Variants in HSPBP1 observed in about 807,000 individuals in gnomAD.
HSPBP1 encodes hsp70-binding protein 1.
A neutral mutation model predicts 41.7 loss-of-function variants in HSPBP1; 31 were observed. The ratio of observed to expected loss-of-function variants is 0.74; its 90% CI spans 0.56 to 1.00. HSPBP1 has a LOEUF of 1.00. Ranked by LOEUF, HSPBP1 falls within the 50% of genes least tolerant of loss-of-function variation. The pLI is 0.00. For synonymous variants in HSPBP1, 199 were observed against 214.4 expected, an observed-to-expected ratio of 0.93 and a Z score of 0.63; for missense variants, 439 against 487.9, an observed-to-expected ratio of 0.90 and a Z score of 0.94.
At position 55,271,987 on chromosome 19, in the gene HSPBP1, G is replaced by C. The variant is rs186642004; in HGVS notation, c.640+2411C>G. Among the ~76,000 whole-genome samples the C allele has an allele frequency of 1.6e-3, 240 of 152,194 alleles. 1 individual carries two copies. Among genetic ancestry groups the C allele is most frequent in the African/African-American group, 5.6e-3 (232 of 41,530 alleles). ...TGAGGCAGGGGAATCCCTTGAACCT[G>C]GGAGGTGGAGGTTGCAGTGAGCCGA... On this transcript the variant is annotated intron_variant, in intron 4 of 7. Transcript: ENST00000433386.
In HSPBP1 at chr19:55,263,874, AC is replaced by A. The variant is rs376252486; in HGVS notation, c.1006-1193del. ...GTATTTTCAACCATGTGACTACGGA[AC>A]CTATTCACAAAGCATTAGTAAAATC... On this transcript the variant is annotated intron_variant, in intron 7 of 7. Coordinates refer to ENST00000433386, the MANE Select transcript of HSPBP1 (RefSeq NM_012267.5). Among the ~76,000 whole-genome samples, 286 of 152,172 alleles carry A rather than the reference AC, an allele frequency of 1.9e-3. 1 individual carries two copies. Among genetic ancestry groups the A allele is most frequent in the African/African-American group, 5.6e-3 (234 of 41,504 alleles).
At chr19:55,264,758 C>G (rs2087727972) in intron 7 of HSPBP1, among the ~76,000 whole-genome samples, 1 of 152,174 alleles carries the variant, frequency 6.6e-6, no homozygotes, top group Non-Finnish European at 1.5e-5. Context: ...TCCTTGCTGT[C>G]TCTCCTACTC....
rs754669876 is a variant in HSPBP1, at chr19:55,265,227, C to T, written c.1005+51G>A. The T allele has an allele frequency of 7.5e-6, 8 of 1,066,540 alleles. No homozygotes were observed. The African/African-American group carries it at 9.9e-5, about 13-fold the overall frequency. The allele number at this position is 1,066,540 out of a possible 1,614,324, so 66.1% of individuals were successfully genotyped here. ...ACCTAGTCCTCCTGGAGCCCTTGTC[C>T]CCTCCCCCTTGCACCTGGTCCTCCT... On this transcript the variant is annotated intron_variant, in intron 7 of 7. Coordinates refer to ENST00000433386, the MANE Select transcript of HSPBP1 (RefSeq NM_012267.5).
Position 55,274,513 on chromosome 19 carries a change from G to A in HSPBP1, c.525C>T (p.Asn175=), listed in dbSNP as rs146963187. The A allele has an allele frequency of 0.04, 64,338 of 1,603,870 alleles. 1,517 individuals carry two copies. The highest frequency in any genetic ancestry group is 0.049 in the Non-Finnish European group (57,588 of 1,177,330). The part of the protein sequence containing the change: ...AAQLIGTCSQ[N]VAAIQEQVLG... ...GCACCTGCTCCTGGATGGCTGCCACGTTCTGACTGCACGTGCCGATGAGCT... is the reference window on the plus strand; with the variant it reads ...GCACCTGCTCCTGGATGGCTGCCACATTCTGACTGCACGTGCCGATGAGCT... The change falls in exon 4 of 8, where the codon AAC becomes AAT. Residue 175 remains asparagine, a synonymous_variant. Coordinates refer to ENST00000433386, the MANE Select transcript of HSPBP1 (RefSeq NM_012267.5).
Position 55,265,300 on chromosome 19 carries a change from A to G in HSPBP1, c.983T>C (p.Leu328Pro). The G allele has an allele frequency of 6.3e-7, 1 of 1,594,116 alleles. No individual in the cohort carries two copies. The highest frequency in any genetic ancestry group is 8.5e-7 in the Non-Finnish European group (1 of 1,171,222). The change falls in exon 7 of 8, where the codon CTG becomes CCG. Residue 328 changes from leucine to proline, a missense_variant. Coordinates refer to ENST00000433386, the MANE Select transcript of HSPBP1 (RefSeq NM_012267.5). ...EELLRHRCQL[L>P]QQHEEYQEEL... is the part of the protein sequence containing the mutation. ...TACCTGGTACTCCTCATGCTGCTGC[A>G]GCAGCTGACAGCGGTGGCGGAGGAG... is the stretch of plus-strand genomic sequence containing the variant.
At chr19:55,274,358 CCGCCAGCACCCCTGT>C in intron 4 of HSPBP1, 25 bp downstream of exon 4, 2 of 786,294 alleles carry the variant, frequency 2.5e-6, no homozygotes, top group Non-Finnish European at 3.8e-6. Context: ...CCCCCCCCCA[CCGCCAGCACCCCTGT>C]CCCCAGCCCC....
chr19:55,263,261 A>G (rs2087692393), intron 7 of HSPBP1, among the ~76,000 whole-genome samples: 1 of 152,238 alleles, frequency 6.6e-6, no homozygotes, highest in South Asian at 2.1e-4. Flanking sequence ...CATGGGAGAA[A>G]TGTAAACTGG....
intron 4 of HSPBP1, among the ~76,000 whole-genome samples, chr19:55,274,171 G>A (rs779275208): frequency 6.6e-6 from 1 of 152,178 alleles, no homozygotes; most frequent in African/African-American, 2.4e-5. Context: ...TGAGGGCCAG[G>A]TGGTCTCCCC....
At chr19:55,262,735 T>C (rs2087679001) in intron 7 of HSPBP1, 53 bp from the exon 8 acceptor site, 1 of 1,541,934 alleles carries the variant, frequency 6.5e-7, no homozygotes, top group Non-Finnish European at 8.9e-7. Context: ...GGCCGGACCC[T>C]GCCTCCAGCA....
chr19:55,265,435 C>T (rs748200336), intron 6 of HSPBP1, 46 bp from the exon 7 acceptor site: 46 of 1,472,976 alleles, frequency 3.1e-5, no homozygotes, highest in Non-Finnish European at 3.9e-5. Context: ...CTCTAGAGGC[C>T]TCACTGACCC....
At chr19:55,278,414 T>C (rs1016645848) in intron 2 of HSPBP1, among the ~76,000 whole-genome samples, 1 of 149,668 alleles carries the variant, frequency 6.7e-6, no homozygotes, top group South Asian at 2.1e-4. Flanking sequence ...ATATCATATA[T>C]GTAAGTGGGT....
intron 1 of HSPBP1, 37 bp from the exon 2 acceptor site, chr19:55,279,739 C>T: frequency 6.5e-7 from 1 of 1,532,770 alleles, no homozygotes; most frequent in Non-Finnish European, 8.7e-7. Flanking sequence ...AGCTCGGCGA[C>T]CCCCCATGAC....
Position 55,266,141 on chromosome 19 carries a change from AG to A in HSPBP1, c.785del (p.Pro262LeufsTer39). On this transcript the variant is annotated frameshift_variant, in exon 5 of 8. Coordinates refer to ENST00000433386, the MANE Select transcript of HSPBP1 (RefSeq NM_012267.5). LOFTEE classifies it high-confidence loss of function. ...CAAGGGCTGCCACACCTTTGTGTTC[AG>A]GGTGGCCCACCAGCAGGTTCTGCAG... ...FLLQNLLVGHPEHKGTLCSMG... is the reference protein window; with the variant it reads ...FLLQNLLVGHXEHKGTLCSMG... 6.2e-7 allele frequency: 1 copy of A among 1,601,464 alleles called. No individual in the cohort carries two copies. Among genetic ancestry groups the A allele is most frequent in the Non-Finnish European group, 8.5e-7 (1 of 1,174,394 alleles).
rs769753316 is a variant in HSPBP1, at chr19:55,279,568, G to A, written c.41C>T (p.Ala14Val). ...GCAACCCTGGGAGGCCGGGGGCAGC[G>A]CCAGGGGCAGGCGGCTCCCCCTTGA... ...EGSRGSRLPL[A>V]LPPASQGCSS... Residue 14 changes from alanine (A) to valine (V), a missense_variant, in exon 2 of 8, where the codon GCG becomes GTG. Coordinates refer to ENST00000433386, the MANE Select transcript of HSPBP1 (RefSeq NM_012267.5). 6 of 1,604,606 alleles carry A rather than the reference G, an allele frequency of 3.7e-6. No homozygotes were observed. Among genetic ancestry groups the A allele is most frequent in the Non-Finnish European group, 5.1e-6 (6 of 1,176,050 alleles).
rs1288124473 is a variant in HSPBP1, at chr19:55,270,998, G to A, written c.640+3400C>T. Among the ~76,000 whole-genome samples, 2 of 146,654 alleles carry A rather than the reference G, an allele frequency of 1.4e-5. No individual in the cohort carries two copies. Among genetic ancestry groups the A allele is most frequent in the Admixed American group, 6.8e-5 (1 of 14,700 alleles). On this transcript the variant is annotated intron_variant, in intron 4 of 7. Coordinates refer to ENST00000433386, the MANE Select transcript of HSPBP1 (RefSeq NM_012267.5). The surrounding 1 kb of genome is among the most constrained non-coding windows in gnomAD (Gnocchi z 5.4). Reference sequence around the variant, plus strand: ...TACACACCATACACACCCTACACACGCGCCACACACCCACTACACACACAC... The same window carrying A: ...TACACACCATACACACCCTACACACACGCCACACACCCACTACACACACAC...
chr19:55,274,625 G>A lies in HSPBP1; in HGVS notation c.416-3C>T, dbSNP rs745872133. On this transcript the variant is annotated splice_region_variant and splice_polypyrimidine_tract_variant and intron_variant, in intron 3 of 7. Transcript: ENST00000433386. ...CATGCCAGACAGCTGGCAGAAGTCT[G>A]TGCCACAGAGGGGAGCAGAGAGAGG... 3.7e-6 allele frequency: 6 copies of A among 1,602,152 alleles called. No individual in the cohort carries two copies. In the Admixed American group the frequency reaches 1.0e-4, roughly 27 times the overall value.
intron 3 of HSPBP1, among the ~76,000 whole-genome samples, chr19:55,276,671 G>A (rs952703807): frequency 6.6e-6 from 1 of 152,254 alleles, no homozygotes; most frequent in African/African-American, 2.4e-5. Flanking sequence ...GAGCAAAGTC[G>A]TTAAAAGCCA....
rs937422926 is a variant in HSPBP1 at position 55,270,662 on chromosome 19, G to A, written c.640+3736C>T. Among the ~76,000 whole-genome samples the A allele has an allele frequency of 3.9e-5, 6 of 151,978 alleles. No homozygotes were observed. The highest frequency in any genetic ancestry group is 1.2e-4 in the African/African-American group (5 of 41,356). On this transcript the variant is annotated intron_variant, in intron 4 of 7. Transcript: ENST00000433386. The surrounding 1 kb of genome is among the most constrained non-coding windows in gnomAD (Gnocchi z 5.4). ...ACATCTGAGGAAACGAGATTAATCCGTGTGTCTGTGTGCACACATACCACA... is the reference window on the plus strand; with the variant it reads ...ACATCTGAGGAAACGAGATTAATCCATGTGTCTGTGTGCACACATACCACA...
At chr19:55,277,283 A>G (rs1343096305) in intron 3 of HSPBP1, among the ~76,000 whole-genome samples, 2 of 152,174 alleles carry the variant, frequency 1.3e-5, no homozygotes, top group African/African-American at 4.8e-5. Context: ...TGCTTTTCCC[A>G]GAGATCATCC....
Sources: allele counts gnomAD v4.1 joint callset (sites outside exome capture counted in the v4.1 genomes callset), GRCh38; gene constraint gnomAD v4.1.1; non-coding constraint Gnocchi (gnomAD v3.1); transcripts MANE v1.5; gene names NCBI Gene and HGNC (gene_info 2026-07-23, HGNC 2026-07-21).